Variants in WNK1 observed in about 807,000 individuals in gnomAD.
The protein encoded by WNK1 is WNK lysine deficient protein kinase 1.
WNK1 carries 38 observed loss-of-function variants against 222.8 expected under a neutral mutation model. That is an observed-to-expected ratio of 0.17 (90% CI 0.13 to 0.22). The LOEUF is 0.22. Ranked by LOEUF, WNK1 falls within the 10% of genes least tolerant of loss-of-function variation. The pLI is 1.00. For synonymous variants in WNK1, 1,090 were observed against 1,092.9 expected (o/e 1.00, Z 0.05); for missense variants, 2,348 against 2,918.4 (o/e 0.80, Z 4.50).
In WNK1 at chr12:868,305, G is replaced by T; in HGVS notation, c.2140-2960G>T. 6.2e-7 allele frequency: 1 copy of T among 1,610,424 alleles called. No individual in the cohort carries two copies. The highest frequency in any genetic ancestry group is 8.5e-7 in the Non-Finnish European group (1 of 1,178,094). ...GTAGCTGGGGTACATTACCAGGCCC[G>T]GGTGGCAGAACAGTATGAGGGCATT... On this transcript the variant is annotated intron_variant, in intron 8 of 27. Coordinates refer to ENST00000315939, the MANE Select transcript of WNK1 (RefSeq NM_018979.4).
intron 4 of WNK1, chr12:851,927 GTT>G: frequency 1.3e-6 from 1 of 751,674 alleles, no homozygotes; most frequent in Non-Finnish European, 1.8e-6. Flanking sequence ...AATATTTAGA[GTT>G]CTGTAATTTA....
intron 1 of WNK1, among the ~76,000 whole-genome samples, chr12:768,922 G>A (rs1305404008): frequency 6.6e-6 from 1 of 151,592 alleles, no homozygotes; most frequent in Non-Finnish European, 1.5e-5. Context: ...CGATTCTTCT[G>A]CCTCAGCCTC....
At chr12:868,352 T>G (rs763563563) in intron 8 of WNK1, 1 of 1,613,880 alleles carries the variant, frequency 6.2e-7, no homozygotes, top group Middle Eastern at 1.7e-4. Flanking sequence ...ATCAGTACTG[T>G]CAAGTCCTAT....
intron 1 of WNK1, among the ~76,000 whole-genome samples, chr12:797,628 A>G (rs1182962186): frequency 5.3e-5 from 8 of 152,090 alleles, no homozygotes; most frequent in African/African-American, 1.9e-4. Flanking sequence ...TTGTAAGATG[A>G]CCATAATACT....
At chr12:836,222 G>A (rs1949169049) in intron 4 of WNK1, among the ~76,000 whole-genome samples, 1 of 152,158 alleles carries the variant, frequency 6.6e-6, no homozygotes. Context: ...AAGTAGATTT[G>A]TAGATCAACA....
intron 8 of WNK1, among the ~76,000 whole-genome samples, chr12:870,020 A>AT (rs984472827): frequency 6.6e-6 from 1 of 152,206 alleles, no homozygotes; most frequent in Non-Finnish European, 1.5e-5. Context: ...CATTTGGTAT[A>AT]TTTTATCAAA....
intron 1 of WNK1, among the ~76,000 whole-genome samples, chr12:782,334 T>C (rs1565421741): frequency 6.6e-6 from 1 of 152,196 alleles, no homozygotes; most frequent in African/African-American, 2.4e-5. Flanking sequence ...GTACATCTTA[T>C]TTAGTTCTCT....
chr12:761,021 G>A (rs1274658502), intron 1 of WNK1, among the ~76,000 whole-genome samples: 2 of 145,636 alleles, frequency 1.4e-5, no homozygotes, highest in African/African-American at 4.9e-5. Flanking sequence ...CTGACCTCAG[G>A]TGATCCACCT....
At chr12:824,066 C>T (rs1009603757) in intron 2 of WNK1, among the ~76,000 whole-genome samples, 2 of 151,796 alleles carry the variant, frequency 1.3e-5, no homozygotes, top group African/African-American at 4.8e-5. Context: ...GCCACCATGC[C>T]CAGCTAGTTT....
chr12:810,290 A>G (rs1470201920), intron 1 of WNK1, among the ~76,000 whole-genome samples: 1 of 152,042 alleles, frequency 6.6e-6, no homozygotes, highest in Admixed American at 6.6e-5. Context: ...TTGCTAAGTC[A>G]GTGTGGTGCA....
At chr12:796,515 A>T (rs1254880384) in intron 1 of WNK1, among the ~76,000 whole-genome samples, 1 of 152,192 alleles carries the variant, frequency 6.6e-6, no homozygotes, top group Non-Finnish European at 1.5e-5. Flanking sequence ...ACCTCAGGTG[A>T]TCCACCCACC....
rs553865374 is a variant in WNK1 at position 760,054 on chromosome 12, G to A, written c.759+5730G>A. Among the ~76,000 whole-genome samples, 4 of 147,978 alleles carry A rather than the reference G, an allele frequency of 2.7e-5. 1 individual carries two copies. The South Asian group carries it at 8.8e-4, about 33-fold the overall frequency. ...TGTTCTTGGAGGAGGAGGAAAGCAG[G>A]TATTGATCTTTATGTTACTGGTGCT... is the stretch of plus-strand genomic sequence containing the variant. On this transcript the variant is annotated intron_variant, in intron 1 of 27. Transcript: ENST00000315939.
chr12:765,832 T>C (rs1941624392), intron 1 of WNK1, among the ~76,000 whole-genome samples: 1 of 152,224 alleles, frequency 6.6e-6, no homozygotes, highest in Non-Finnish European at 1.5e-5. Context: ...ATAAAGTTCA[T>C]CCTTTTAAAG....
In WNK1 at chr12:897,510, C is replaced by T. The variant is rs771333421; in HGVS notation, c.6277C>T (p.Arg2093Cys). Reference protein sequence around the residue: ...HLKEIQDLQSRQKHEIESLYT... With the variant: ...HLKEIQDLQSCQKHEIESLYT... ...CAAAGAGATTCAGGACCTGCAGAGT[C>T]GCCAGAAGCATGAAATTGAATCTTT... is the stretch of plus-strand genomic sequence containing the variant. The change falls in exon 25 of 28, where the codon CGC becomes TGC. Residue 2093 changes from arginine to cysteine, a missense_variant. This residue lies in a region of WNK1 where 1,144 missense variants were observed against 1,273.6 expected (regional missense o/e 0.90). Transcript: ENST00000315939. 2.8e-5 allele frequency: 45 copies of T among 1,610,632 alleles called. No homozygotes were observed. Among genetic ancestry groups the T allele is most frequent in the Middle Eastern group, 1.6e-4 (1 of 6,082 alleles).
At chr12:833,148 G>A (rs755505898) in intron 4 of WNK1, among the ~76,000 whole-genome samples, 11 of 152,060 alleles carry the variant, frequency 7.2e-5, no homozygotes, top group Non-Finnish European at 1.5e-4. Context: ...ACTACTTCCA[G>A]TTTATAAGGT....
intron 22 of WNK1, among the ~76,000 whole-genome samples, chr12:891,534 A>G (rs1954227368): frequency 6.6e-6 from 1 of 152,150 alleles, no homozygotes; most frequent in Non-Finnish European, 1.5e-5. Flanking sequence ...AGTAAAGTCC[A>G]AGTGGACCAA....
rs771730773 is a variant in WNK1 at position 869,088 on chromosome 12, C to T, written c.2140-2177C>T. 15 of 1,613,912 alleles carry T rather than the reference C, an allele frequency of 9.3e-6. No individual in the cohort carries two copies. Among genetic ancestry groups the T allele is most frequent in the Non-Finnish European group, 1.2e-5 (14 of 1,179,894 alleles). ...ACTGCCTCATTTTCTTCAGGAGGAT[C>T]TGCACTTCATCCACAGGTTATAGGA... On this transcript the variant is annotated intron_variant, in intron 8 of 27. Transcript: ENST00000315939.
At chr12:768,818 G>T (rs571785285) in intron 1 of WNK1, among the ~76,000 whole-genome samples, 174 of 147,532 alleles carry the variant, frequency 1.2e-3, no homozygotes, top group African/African-American at 4.3e-3. Flanking sequence ...AAGTTTTTTT[G>T]TTTTTTTTTT....
At chr12:755,840 T>G (rs1424144297) in intron 1 of WNK1, among the ~76,000 whole-genome samples, 1 of 152,192 alleles carries the variant, frequency 6.6e-6, no homozygotes, top group African/African-American at 2.4e-5. Context: ...CCGGGTATGG[T>G]GGCGCGCGCC....
Sources: gnomAD v4.1 joint callset for allele counts (sites outside exome capture counted in the v4.1 genomes callset) on GRCh38, gnomAD v4.1.1 for gene constraint, gnomAD v4.1.1 regional missense constraint, MANE v1.5 for transcripts, NCBI Gene and HGNC (gene_info 2026-07-23, HGNC 2026-07-21) for gene names.